The following AQP1 variants were observed in gnomAD, a reference collection of about 807,000 sequenced individuals.
AQP1 encodes the protein aquaporin-1.
AQP1 carries 11 observed loss-of-function variants against 19.7 expected under a neutral mutation model. The ratio of observed to expected loss-of-function variants is 0.56; its 90% CI spans 0.35 to 0.92. AQP1 has a LOEUF of 0.92. AQP1 is among the 40% of genes least tolerant of loss of function. AQP1 has a pLI of 0.01. For missense variants in AQP1, 320 were observed against 369.7 expected, an observed-to-expected ratio of 0.87 and a Z score of 1.10; for synonymous variants, 159 against 166.7, an observed-to-expected ratio of 0.95 and a Z score of 0.36.
Position 30,912,268 on chromosome 7 carries a change from C to G in AQP1, c.359C>G (p.Thr120Ser). ...CTCTCAGGCATCACCTCCTCCCTGA[C>G]TGGGAACTCGCTTGGCCGCAATGAC... is the stretch of plus-strand genomic sequence containing the variant. ...AILSGITSSL[T>S]GNSLGRNDLA... is the part of the protein sequence containing the mutation. Residue 120 changes from threonine to serine, a missense_variant, in exon 1 of 4, where the codon ACT becomes AGT. Thr to Ser is a moderately conservative substitution (Grantham distance 58). Transcript: ENST00000311813. The surrounding 1 kb of genome is among the most constrained non-coding windows in gnomAD (Gnocchi z 4.3). 1.2e-6 allele frequency: 2 copies of G among 1,604,438 alleles called. No individual in the cohort carries two copies. The highest frequency in any genetic ancestry group is 2.2e-5 in the South Asian group (2 of 91,082).
Position 30,923,902 on chromosome 7 carries a change from C to G in AQP1, c.*273C>G, listed in dbSNP as rs202039962. ...GGAGGAGGTGAAAGAAAGGGACCCA[C>G]CTGCTAGTCGCCCCTCAGAGCATGA... is the stretch of plus-strand genomic sequence containing the variant. On this transcript the variant is annotated 3_prime_UTR_variant, in exon 4 of 4. Coordinates refer to ENST00000311813, the MANE Select transcript of AQP1 (RefSeq NM_198098.4). This position sits in a 1 kb window ranked among gnomAD's most constrained non-coding sequence, Gnocchi z 4.8. 6.8e-7 allele frequency: 1 copy of G among 1,468,356 alleles called. No homozygotes were observed. The highest frequency in any genetic ancestry group is 9.1e-7 in the Non-Finnish European group (1 of 1,098,686). The allele number at this position is 1,468,356 out of a possible 1,614,324, so 91.0% of individuals were successfully genotyped here.
chr7:30,914,608 G>A (rs1044598655), intron 1 of AQP1, among the ~76,000 whole-genome samples: 2 of 152,232 alleles, frequency 1.3e-5, no homozygotes. Context: ...GGAACTGGAG[G>A]GGCCTCAGGG....
rs1791654581 is a variant in AQP1 at position 30,925,504 on chromosome 7, G to C, written c.*1875G>C. Reference sequence around the variant, plus strand: ...ATATGTTAAGAAAATAAAGGAAAATGACTTGTAAGGTCCTTCAGGCTTCCT... The same window carrying C: ...ATATGTTAAGAAAATAAAGGAAAATCACTTGTAAGGTCCTTCAGGCTTCCT... On this transcript the variant is annotated 3_prime_UTR_variant, in exon 4 of 4. Coordinates refer to ENST00000311813, the MANE Select transcript of AQP1 (RefSeq NM_198098.4). 1 of 152,226 alleles carries C rather than the reference G, an allele frequency of 6.6e-6. No homozygotes were observed. Among genetic ancestry groups the C allele is most frequent in the South Asian group, 2.1e-4 (1 of 4,826 alleles). 9.4% of individuals were successfully genotyped at this position (152,226 alleles called of 1,614,324 possible). A position where few individuals can be genotyped will look rare whatever the true frequency, so the allele number is the denominator to read the frequency against.
Position 30,915,029 on chromosome 7 carries a change from C to A in AQP1, c.384+2736C>A, listed in dbSNP as rs1161876831. ...CCCTGTCCTAGCTCAGCCACTAACACCATGTGGCATCACACAACAGACTGG... is the reference window on the plus strand; with the variant it reads ...CCCTGTCCTAGCTCAGCCACTAACAACATGTGGCATCACACAACAGACTGG... On this transcript the variant is annotated intron_variant, in intron 1 of 3. Transcript: ENST00000311813. Among the ~76,000 whole-genome samples, 3 of 152,224 alleles carry A rather than the reference C, an allele frequency of 2.0e-5. No individual in the cohort carries two copies. The South Asian group carries it at 6.2e-4, about 32-fold the overall frequency.
chr7:30,923,738 CT>C lies in AQP1; in HGVS notation c.*111del, dbSNP rs1690984376. 6.7e-7 allele frequency: 1 copy of C among 1,502,814 alleles called. No individual in the cohort carries two copies. The allele number at this position is 1,502,814 out of a possible 1,614,324, so 93.1% of individuals were successfully genotyped here. ...CACTCTGACAAGCTGGCCAAAGTCA[CT>C]TCCCCAAGATCTGCCAGACCTGCAT... is the stretch of plus-strand genomic sequence containing the variant. On this transcript the variant is annotated 3_prime_UTR_variant, in exon 4 of 4. Coordinates refer to ENST00000311813, the MANE Select transcript of AQP1 (RefSeq NM_198098.4). The surrounding 1 kb of genome is among the most constrained non-coding windows in gnomAD (Gnocchi z 4.8).
In AQP1 at chr7:30,923,764, T is replaced by C. The variant is rs1791597749; in HGVS notation, c.*135T>C. 1 of 1,504,776 alleles carries C rather than the reference T, an allele frequency of 6.6e-7. No homozygotes were observed. Among genetic ancestry groups the C allele is most frequent in the Admixed American group, 2.1e-5 (1 of 47,708 alleles). 93.2% of individuals were successfully genotyped at this position (1,504,776 alleles called of 1,614,324 possible). On this transcript the variant is annotated 3_prime_UTR_variant, in exon 4 of 4. Transcript: ENST00000311813. This position sits in a 1 kb window ranked among gnomAD's most constrained non-coding sequence, Gnocchi z 4.8. ...TTCCCCAAGATCTGCCAGACCTGCA[T>C]GGTCAAGCCTCTTATGGGGGTGTTT...
Position 30,914,619 on chromosome 7 carries a change from G to T in AQP1, c.384+2326G>T, listed in dbSNP as rs189928005. ...CCCTGGAACTGGAGGGGCCTCAGGGGTGGCCTGGATGCCTCAAGAGGAGCA... is the reference window on the plus strand; with the variant it reads ...CCCTGGAACTGGAGGGGCCTCAGGGTTGGCCTGGATGCCTCAAGAGGAGCA... On this transcript the variant is annotated intron_variant, in intron 1 of 3. Transcript: ENST00000311813. Among the ~76,000 whole-genome samples, 20 of 152,362 alleles carry T rather than the reference G, an allele frequency of 1.3e-4. No individual in the cohort carries two copies. In the East Asian group the frequency reaches 3.7e-3, roughly 28 times the overall value.
rs780558636 is a variant in AQP1 at position 30,922,171 on chromosome 7, C to G, written c.490C>G (p.Leu164Val). ...TACTACCGACCGGAGGCGCCGTGACCTTGGTGGCTCAGCCCCCCTTGCCAT... is the reference window on the plus strand; with the variant it reads ...TACTACCGACCGGAGGCGCCGTGACGTTGGTGGCTCAGCCCCCCTTGCCAT... ...LATTDRRRRD[L>V]GGSAPLAIGL... The change falls in exon 2 of 4, where the codon CTT becomes GTT. Residue 164 changes from leucine (L) to valine (V), a missense_variant. Transcript: ENST00000311813. 6.2e-6 allele frequency: 10 copies of G among 1,613,090 alleles called. No individual in the cohort carries two copies. In the East Asian group the frequency reaches 2.0e-4, roughly 32 times the overall value.
intron 1 of AQP1, among the ~76,000 whole-genome samples, chr7:30,918,805 C>T (rs549651321): frequency 6.6e-6 from 1 of 152,352 alleles, no homozygotes; most frequent in South Asian, 2.1e-4. Context: ...ACAGAACCAC[C>T]TTCTGCCAGC....
At chr7:30,921,474 G>T in intron 1 of AQP1, 1 of 1,473,300 alleles carries the variant, frequency 6.8e-7, no homozygotes, top group Non-Finnish European at 9.0e-7. Context: ...AAAGAGACGG[G>T]GTGGAGAAGG....
chr7:30,922,055 C>T lies in AQP1; in HGVS notation c.385-11C>T, dbSNP rs767299288. The T allele has an allele frequency of 5.6e-6, 9 of 1,613,734 alleles. No homozygotes were observed. The highest frequency in any genetic ancestry group is 7.6e-6 in the Non-Finnish European group (9 of 1,180,032). On this transcript the variant is annotated splice_polypyrimidine_tract_variant and intron_variant, in intron 1 of 3. Coordinates refer to ENST00000311813, the MANE Select transcript of AQP1 (RefSeq NM_198098.4). ...CTCCTCACCAGTCCTCACCACCTCT[C>T]TCCCCTGCAGCTGGCTGATGGTGTG... is the stretch of plus-strand genomic sequence containing the variant.
At position 30,922,110 on chromosome 7, in the gene AQP1, C is replaced by G; in HGVS notation, c.429C>G (p.Ile143Met). 1 of 1,614,128 alleles carries G rather than the reference C, an allele frequency of 6.2e-7. No individual in the cohort carries two copies. Among genetic ancestry groups the G allele is most frequent in the Non-Finnish European group, 8.5e-7 (1 of 1,180,034 alleles). ...CGGGCCAGGGCCTGGGCATCGAGAT[C>G]ATCGGGACCCTCCAGCTGGTGCTAT... Reference protein sequence around the residue: ...VNSGQGLGIEIIGTLQLVLCV... With the variant: ...VNSGQGLGIEMIGTLQLVLCV... The change falls in exon 2 of 4, where the codon ATC becomes ATG. Residue 143 changes from isoleucine to methionine, a missense_variant. Coordinates refer to ENST00000311813, the MANE Select transcript of AQP1 (RefSeq NM_198098.4).
Position 30,912,013 on chromosome 7 carries a change from T to A in AQP1, c.104T>A (p.Phe35Tyr), listed in dbSNP as rs1408614489. 2 of 1,613,434 alleles carry A rather than the reference T, an allele frequency of 1.2e-6. No individual in the cohort carries two copies. The highest frequency in any genetic ancestry group is 1.7e-6 in the Non-Finnish European group (2 of 1,180,018). ...VFISIGSALG[F>Y]KYPVGNNQTA... is the part of the protein sequence containing the mutation. ...ATCAGCATCGGTTCTGCCCTGGGCT[T>A]CAAATACCCGGTGGGGAACAACCAG... is the stretch of plus-strand genomic sequence containing the variant. The change falls in exon 1 of 4, where the codon TTC (phenylalanine) becomes TAC (tyrosine). Residue 35 changes from phenylalanine to tyrosine, a missense_variant. Physicochemically the swap from Phe to Tyr is conservative, Grantham distance 22. Transcript: ENST00000311813. The surrounding 1 kb of genome is among the most constrained non-coding windows in gnomAD (Gnocchi z 4.3).
chr7:30,923,565 AG>A lies in AQP1; in HGVS notation c.748del (p.Val250TrpfsTer17). ...TDRVKVWTSG[Q>X]VEEYDLDADD... ...CGCGTGAAGGTGTGGACCAGCGGCC[AG>A]GTGGAGGAGTATGACCTGGATGCCG... On this transcript the variant is annotated frameshift_variant, in exon 4 of 4. Transcript: ENST00000311813. LOFTEE classifies it high-confidence loss of function. The surrounding 1 kb of genome is among the most constrained non-coding windows in gnomAD (Gnocchi z 4.8). 1 of 1,610,130 alleles carries A rather than the reference AG, an allele frequency of 6.2e-7. No individual in the cohort carries two copies. Among genetic ancestry groups the A allele is most frequent in the Non-Finnish European group, 8.5e-7 (1 of 1,177,384 alleles).
At position 30,923,687 on chromosome 7, in the gene AQP1, G is replaced by GGGAGT. The variant is rs1791593424; in HGVS notation, c.*62_*63insTGGAG. The GGGAGT allele has an allele frequency of 2.6e-6, 4 of 1,526,082 alleles. No individual in the cohort carries two copies. In the African/African-American group the frequency reaches 5.5e-5, roughly 21 times the overall value. 94.5% of individuals were successfully genotyped at this position (1,526,082 alleles called of 1,614,324 possible). A position where few individuals can be genotyped will look rare whatever the true frequency, so the allele number is the denominator to read the frequency against. On this transcript the variant is annotated 3_prime_UTR_variant, in exon 4 of 4. Transcript: ENST00000311813. This position sits in a 1 kb window ranked among gnomAD's most constrained non-coding sequence, Gnocchi z 4.8. ...CAGGGGCAGGGGCGGGCGGAGGGAG[G>GGGAGT]GGAGGGGTGAAATCCATACTGTAGA...
intron 1 of AQP1, among the ~76,000 whole-genome samples, chr7:30,914,125 G>A (rs1174645256): frequency 6.6e-6 from 1 of 152,172 alleles, no homozygotes; most frequent in Non-Finnish European, 1.5e-5. Context: ...TGGAACAGAG[G>A]CCACACCAGC....
At chr7:30,922,533 T>G (rs1791547035) in intron 2 of AQP1, 31 bp from the exon 3 acceptor site, 1 of 1,594,348 alleles carries the variant, frequency 6.3e-7, no homozygotes, top group Non-Finnish European at 8.6e-7. Flanking sequence ...CTCTCTGCCT[T>G]CGCCCCTCCC....
chr7:30,915,184 T>C (rs28362705), intron 1 of AQP1, among the ~76,000 whole-genome samples: 8,724 of 152,144 alleles, frequency 0.057, 357 homozygotes, highest in South Asian at 0.19. Context: ...TTCTGCTGTC[T>C]GGTCTGCTCA....
In AQP1 at chr7:30,925,197, G is replaced by A. The variant is rs1398587634; in HGVS notation, c.*1568G>A. 6.6e-6 allele frequency: 1 copy of A among 152,254 alleles called. No homozygotes were observed. The highest frequency in any genetic ancestry group is 1.5e-5 in the Non-Finnish European group (1 of 68,060). The allele number at this position is 152,254 out of a possible 1,614,324, so 9.4% of individuals were successfully genotyped here. ...GCAGGAACTTCTAGCTCATTTAACA[G>A]ATAAAGAAACTGAGGCCCACGGTTT... On this transcript the variant is annotated 3_prime_UTR_variant, in exon 4 of 4. Coordinates refer to ENST00000311813, the MANE Select transcript of AQP1 (RefSeq NM_198098.4).
Sources: allele counts gnomAD v4.1 joint callset (sites outside exome capture counted in the v4.1 genomes callset), GRCh38; gene constraint gnomAD v4.1.1; non-coding constraint Gnocchi (gnomAD v3.1); transcripts MANE v1.5; gene names NCBI Gene and HGNC (gene_info 2026-07-23, HGNC 2026-07-21).